Variants in FHOD3 observed in about 807,000 individuals in gnomAD.
FHOD3 encodes formin homology 2 domain containing 3.
FHOD3 carries 90 observed loss-of-function variants against 173.0 expected under a neutral mutation model. The observed-to-expected ratio is 0.52, with a 90% CI of 0.44 to 0.62. The LOEUF (loss-of-function observed/expected upper bound fraction) is 0.62. FHOD3 is among the 20% of genes least tolerant of loss of function. The probability of loss-of-function intolerance (pLI) is 0.00; values close to 1 mark genes in which losing one functional copy is unlikely to be tolerated. For missense variants in FHOD3, 1,945 were observed against 2,034.7 expected (o/e 0.96, Z 0.85); for synonymous variants, 828 against 823.0 (o/e 1.01, Z -0.10).
intron 3 of FHOD3, among the ~76,000 whole-genome samples, chr18:36,384,037 A>G (rs2047910867): frequency 6.6e-6 from 1 of 152,162 alleles, no homozygotes; most frequent in Non-Finnish European, 1.5e-5. Flanking sequence ...GTGACCTTGG[A>G]AAAGTGACCT....
At chr18:36,387,102 A>T (rs1193942485) in intron 3 of FHOD3, among the ~76,000 whole-genome samples, 1 of 152,126 alleles carries the variant, frequency 6.6e-6, no homozygotes, top group Non-Finnish European at 1.5e-5. Context: ...AGTGCCCTGG[A>T]CTGTGTCCTG....
At chr18:36,688,752 T>C (rs1164897546) in intron 16 of FHOD3, among the ~76,000 whole-genome samples, 1 of 152,224 alleles carries the variant, frequency 6.6e-6, no homozygotes, top group Non-Finnish European at 1.5e-5. Context: ...TGGCAGCTCC[T>C]GGGGAGGTGG....
chr18:36,773,786 C>T (rs1228697599), intron 28 of FHOD3, among the ~76,000 whole-genome samples: 1 of 152,212 alleles, frequency 6.6e-6, no homozygotes, highest in Admixed American at 6.5e-5. Flanking sequence ...CCCCACCACA[C>T]TGTCCACTTC....
intron 14 of FHOD3, among the ~76,000 whole-genome samples, chr18:36,680,097 C>G (rs1410797521): frequency 2.0e-5 from 3 of 152,174 alleles, no homozygotes; most frequent in South Asian, 4.1e-4. Context: ...TAAATAAACT[C>G]TATCTATGCC....
At position 36,328,730 on chromosome 18, in the gene FHOD3, C is replaced by G. The variant is rs536782478; in HGVS notation, c.166-26809C>G. Among the ~76,000 whole-genome samples the G allele has an allele frequency of 3.3e-5, 5 of 152,246 alleles. No homozygotes were observed. In the South Asian group the frequency reaches 1.0e-3, roughly 32 times the overall value. On this transcript the variant is annotated intron_variant, in intron 1 of 28. Coordinates refer to ENST00000590592, the MANE Select transcript of FHOD3 (RefSeq NM_001281740.3). ...ATGAAGACAGAGCCACATGTTTTCCCAATGGATTGCAGTAGAAAGTGGGAA... is the reference window on the plus strand; with the variant it reads ...ATGAAGACAGAGCCACATGTTTTCCGAATGGATTGCAGTAGAAAGTGGGAA...
Position 36,744,049 on chromosome 18 carries a change from A to C in FHOD3, c.3897A>C (p.Leu1299Phe), listed in dbSNP as rs1358804059. The change falls in exon 23 of 29, where the codon TTA becomes TTC. Residue 1299 changes from leucine (L) to phenylalanine (F), a missense_variant. By Grantham distance (22) the Leu-to-Phe change is conservative (BLOSUM62 0). Transcript: ENST00000590592. ...LNGTNAKAFE[L>F]SYLEKVPEVK... is the part of the protein sequence containing the mutation. ...CAAAACAGGCCAAAGCGTTTGAGTTAAGCTACCTCGAGAAGGTTCCAGAAG... is the reference window on the plus strand; with the variant it reads ...CAAAACAGGCCAAAGCGTTTGAGTTCAGCTACCTCGAGAAGGTTCCAGAAG... 6.2e-7 allele frequency: 1 copy of C among 1,614,162 alleles called. No individual in the cohort carries two copies. Among genetic ancestry groups the C allele is most frequent in the Admixed American group, 1.7e-5 (1 of 60,022 alleles).
chr18:36,388,836 C>A (rs1217282909), intron 3 of FHOD3, among the ~76,000 whole-genome samples: 1 of 152,172 alleles, frequency 6.6e-6, no homozygotes, highest in Non-Finnish European at 1.5e-5. Flanking sequence ...ATTTTTGTAT[C>A]ATTTTGCCTA....
At chr18:36,659,323 C>T (rs949619883) in intron 14 of FHOD3, among the ~76,000 whole-genome samples, 1 of 152,156 alleles carries the variant, frequency 6.6e-6, no homozygotes, top group African/African-American at 2.4e-5. Flanking sequence ...GCTGAGCACA[C>T]TTGGGCTAAG....
In FHOD3 at chr18:36,717,985, A is replaced by G; in HGVS notation, c.2687A>G (p.Gln896Arg). ...EKGDGEAGRT[Q>R]QEAEAVASLA... Reference sequence around the variant, plus strand: ...GGGGATGGGGAGGCTGGGAGGACCCAGCAGGAGGCAGAGGCGGTAGCCAGC... The same window carrying G: ...GGGGATGGGGAGGCTGGGAGGACCCGGCAGGAGGCAGAGGCGGTAGCCAGC... Residue 896 changes from glutamine (Q) to arginine (R), a missense_variant, in exon 19 of 29, where the codon CAG becomes CGG. Physicochemically the swap from Gln to Arg is conservative, Grantham distance 43. This residue lies in a region of FHOD3 where 1,099 missense variants were observed against 1,051.2 expected (regional missense o/e 1.05). Coordinates refer to ENST00000590592, the MANE Select transcript of FHOD3 (RefSeq NM_001281740.3). The G allele has an allele frequency of 6.2e-7, 1 of 1,613,488 alleles. No individual in the cohort carries two copies. The highest frequency in any genetic ancestry group is 8.5e-7 in the Non-Finnish European group (1 of 1,179,716).
intron 17 of FHOD3, among the ~76,000 whole-genome samples, chr18:36,705,021 T>C (rs113596220): frequency 1.6e-3 from 248 of 152,268 alleles, no homozygotes; most frequent in African/African-American, 5.9e-3. Flanking sequence ...CTTCGTGGAC[T>C]CTTGATTCCA....
chr18:36,763,045 TTA>T (rs2042960063), intron 27 of FHOD3, among the ~76,000 whole-genome samples: 5 of 131,490 alleles, frequency 3.8e-5, no homozygotes, highest in Non-Finnish European at 6.9e-5. Context: ...AATATGCGTA[TTA>T]TACACGTTAT....
chr18:36,739,259 A>G (rs1190876313), intron 20 of FHOD3, among the ~76,000 whole-genome samples: 2 of 152,220 alleles, frequency 1.3e-5, no homozygotes, highest in African/African-American at 4.8e-5. Flanking sequence ...TTTAATTTGC[A>G]TATAATTGAA....
chr18:36,740,738 G>A lies in FHOD3; in HGVS notation c.3659G>A (p.Gly1220Asp), dbSNP rs1267831491. 1.2e-6 allele frequency: 2 copies of A among 1,613,934 alleles called. No individual in the cohort carries two copies. The highest frequency in any genetic ancestry group is 4.5e-5 in the East Asian group (2 of 44,894). Reference protein sequence around the residue: ...AQLANPEIPLGSAEQFLLTLS... With the variant: ...AQLANPEIPLDSAEQFLLTLS... ...CTGGCCAACCCTGAAATCCCCCTGG[G>A]CAGTGCAGAGCAGTTCCTCCTCACC... The change falls in exon 21 of 29, where the codon GGC (glycine) becomes GAC (aspartate). Residue 1220 changes from glycine (G) to aspartate (D), a missense_variant. By Grantham distance (94) the Gly-to-Asp change is moderately conservative. Transcript: ENST00000590592.
At chr18:36,349,879 C>T (rs571411143) in intron 1 of FHOD3, among the ~76,000 whole-genome samples, 1 of 152,236 alleles carries the variant, frequency 6.6e-6, no homozygotes, top group Middle Eastern at 3.4e-3. Flanking sequence ...AATTCTCCTG[C>T]CTGAGCCTCC....
intron 5 of FHOD3, among the ~76,000 whole-genome samples, chr18:36,540,082 A>G (rs566600659): frequency 6.6e-6 from 1 of 152,334 alleles, no homozygotes; most frequent in Non-Finnish European, 1.5e-5. Flanking sequence ...GATGACACAC[A>G]TAAGAAATGC....
At chr18:36,675,437 C>T (rs1246358009) in intron 14 of FHOD3, among the ~76,000 whole-genome samples, 1 of 152,202 alleles carries the variant, frequency 6.6e-6, no homozygotes, top group Non-Finnish European at 1.5e-5. Context: ...GCCTCCCCAC[C>T]TCCAGGCCCT....
At chr18:36,601,326 C>T (rs924831781) in intron 7 of FHOD3, among the ~76,000 whole-genome samples, 5 of 152,184 alleles carry the variant, frequency 3.3e-5, no homozygotes, top group African/African-American at 1.2e-4. Context: ...CCTTTTACGT[C>T]TTGTAGTAAG....
chr18:36,398,889 G>A (rs996375304), intron 3 of FHOD3, among the ~76,000 whole-genome samples: 4 of 152,130 alleles, frequency 2.6e-5, no homozygotes, highest in Non-Finnish European at 5.9e-5. Flanking sequence ...AGGGATGGGG[G>A]GGATCTGAGG....
intron 3 of FHOD3, among the ~76,000 whole-genome samples, chr18:36,481,464 T>C (rs200123119): frequency 1.4e-5 from 2 of 144,682 alleles, no homozygotes; most frequent in South Asian, 2.2e-4. Flanking sequence ...TTTTTTTTTT[T>C]CAGGATAGCA....
Sources: gnomAD v4.1 joint callset for allele counts (sites outside exome capture counted in the v4.1 genomes callset) on GRCh38, gnomAD v4.1.1 for gene constraint, gnomAD v4.1.1 regional missense constraint, MANE v1.5 for transcripts, NCBI Gene and HGNC (gene_info 2026-07-23, HGNC 2026-07-21) for gene names.